RELT: variants seen among roughly 807,000 people sequenced by gnomAD.
RELT encodes the protein RELT TNF receptor.
In RELT, 37 loss-of-function variants were observed where a neutral mutation model predicts 51.1. The ratio of observed to expected loss-of-function variants is 0.72; its 90% CI spans 0.56 to 0.95. The LOEUF (loss-of-function observed/expected upper bound fraction) is 0.95, where lower values mean the gene tolerates loss of function less well. Ranked by LOEUF, RELT falls within the 40% of genes least tolerant of loss-of-function variation. RELT has a pLI of 0.00. For missense variants in RELT, 535 were observed against 572.6 expected (o/e 0.93, Z 0.67); for synonymous variants, 241 against 235.7 (o/e 1.02, Z -0.21).
At position 73,392,646 on chromosome 11, in the gene RELT, C is replaced by T. The variant is rs112405701; in HGVS notation, c.625+178C>T. Reference sequence around the variant, plus strand: ...AAAGGTAAGGGGACGAAGGTGTGGCCGTGGGGGCAGAGCAGAGGTGGCACA... The same window carrying T: ...AAAGGTAAGGGGACGAAGGTGTGGCTGTGGGGGCAGAGCAGAGGTGGCACA... On this transcript the variant is annotated intron_variant, in intron 6 of 10. Coordinates refer to ENST00000064780, the MANE Select transcript of RELT (RefSeq NM_152222.2). 6.3e-4 allele frequency: 894 copies of T among 1,415,966 alleles called. 5 individuals are homozygous for T. The African/African-American group carries it at 0.012, about 19-fold the overall frequency. 87.7% of individuals were successfully genotyped at this position (1,415,966 alleles called of 1,614,324 possible). A position where few individuals can be genotyped will look rare whatever the true frequency, so the allele number is the denominator to read the frequency against.
chr11:73,394,373 C>T lies in RELT; in HGVS notation c.788+56C>T. 3 of 1,610,286 alleles carry T rather than the reference C, an allele frequency of 1.9e-6. No homozygotes were observed. Among genetic ancestry groups the T allele is most frequent in the Non-Finnish European group, 2.5e-6 (3 of 1,177,166 alleles). On this transcript the variant is annotated intron_variant, in intron 8 of 10. Coordinates refer to ENST00000064780, the MANE Select transcript of RELT (RefSeq NM_152222.2). This position sits in a 1 kb window ranked among gnomAD's most constrained non-coding sequence, Gnocchi z 4.9. ...AAAACCTACATTAACCAGCCTGCCT[C>T]CTGGGGATCTCCCACTTGGGTCTCC...
At chr11:73,380,187 C>T (rs975637980) in intron 1 of RELT, among the ~76,000 whole-genome samples, 4 of 152,198 alleles carry the variant, frequency 2.6e-5, no homozygotes, top group Admixed American at 1.3e-4. Flanking sequence ...CTCCCACTGC[C>T]GTCTCTGTGC....
chr11:73,394,994 C>A lies in RELT; in HGVS notation c.1047-93C>A. ...GGGCCTCTCAGGCTAAGGCTCTGGT[C>A]CATGAACTTGCTGTGTGACCCCGGG... On this transcript the variant is annotated intron_variant, in intron 9 of 10. Coordinates refer to ENST00000064780, the MANE Select transcript of RELT (RefSeq NM_152222.2). This position sits in a 1 kb window ranked among gnomAD's most constrained non-coding sequence, Gnocchi z 4.9. The A allele has an allele frequency of 8.4e-7, 1 of 1,185,612 alleles. No homozygotes were observed. Among genetic ancestry groups the A allele is most frequent in the Non-Finnish European group, 1.2e-6 (1 of 815,854 alleles). 73.4% of individuals were successfully genotyped at this position (1,185,612 alleles called of 1,614,324 possible). A position where few individuals can be genotyped will look rare whatever the true frequency, so the allele number is the denominator to read the frequency against.
At chr11:73,379,703 G>A (rs968654315) in intron 1 of RELT, among the ~76,000 whole-genome samples, 6 of 152,206 alleles carry the variant, frequency 3.9e-5, no homozygotes, top group Non-Finnish European at 8.8e-5. Flanking sequence ...CCTTCTGGAC[G>A]TCGGCCTGCC....
At position 73,395,154 on chromosome 11, in the gene RELT, G is replaced by C. The variant is rs1387570091; in HGVS notation, c.1114G>C (p.Glu372Gln). 1 of 1,613,612 alleles carries C rather than the reference G, an allele frequency of 6.2e-7. No homozygotes were observed. The highest frequency in any genetic ancestry group is 1.6e-4 in the Middle Eastern group (1 of 6,062). The stretch of plus-strand genomic sequence containing the variant: ...GGTGTCTGAGGTGAAGACCATCACG[G>C]AGGCTGGGCCCTCGTGGGGTGATCT... Reference protein sequence around the residue: ...SMVSEVKTITEAGPSWGDLPD... With the variant: ...SMVSEVKTITQAGPSWGDLPD... Residue 372 changes from glutamate (E) to glutamine (Q), a missense_variant, in exon 10 of 11, where the codon GAG becomes CAG. By Grantham distance (29) the Glu-to-Gln change is conservative. Coordinates refer to ENST00000064780, the MANE Select transcript of RELT (RefSeq NM_152222.2).
At position 73,394,221 on chromosome 11, in the gene RELT, T is replaced by G. The variant is rs1391751382; in HGVS notation, c.707-15T>G. 1.9e-6 allele frequency: 3 copies of G among 1,591,710 alleles called. No homozygotes were observed. The East Asian group carries it at 6.8e-5, about 36-fold the overall frequency. On this transcript the variant is annotated splice_polypyrimidine_tract_variant and intron_variant, in intron 7 of 10. Transcript: ENST00000064780. The surrounding 1 kb of genome is among the most constrained non-coding windows in gnomAD (Gnocchi z 4.9). Reference sequence around the variant, plus strand: ...CATATGGCCACAGTGAGGGTCTGACTGCAGCTACCCACAGAGAATGCTGCG... The same window carrying G: ...CATATGGCCACAGTGAGGGTCTGACGGCAGCTACCCACAGAGAATGCTGCG...
intron 10 of RELT, 50 bp from the exon 11 acceptor site, chr11:73,395,394 C>A: frequency 8.0e-7 from 1 of 1,254,904 alleles, no homozygotes; most frequent in Non-Finnish European, 1.2e-6. Context: ...TTTCCTGGAG[C>A]CAGAAGCCAG....
chr11:73,386,853 C>T (rs777577482), intron 1 of RELT, among the ~76,000 whole-genome samples: 13 of 152,220 alleles, frequency 8.5e-5, no homozygotes, highest in East Asian at 1.9e-4. Context: ...TTTTCACCCC[C>T]GCATCAGCCC....
rs1177748610 is a variant in RELT at position 73,376,417 on chromosome 11, G to A, written c.-108G>A. 2 of 151,930 alleles carry A rather than the reference G, an allele frequency of 1.3e-5. No individual in the cohort carries two copies. Among genetic ancestry groups the A allele is most frequent in the African/African-American group, 2.4e-5 (1 of 41,392 alleles). 9.4% of individuals were successfully genotyped at this position (151,930 alleles called of 1,614,324 possible). A position where few individuals can be genotyped will look rare whatever the true frequency, so the allele number is the denominator to read the frequency against. ...TTCATTCAAAAGGCGCGCAGGCTGC[G>A]CGGCTGTCCGGGCGCTCGCCGAGCC... is the stretch of plus-strand genomic sequence containing the variant. On this transcript the variant is annotated 5_prime_UTR_variant, in exon 1 of 11. Transcript: ENST00000064780.
chr11:73,390,491 G>A (rs963357414), intron 2 of RELT, 60 bp from the exon 3 acceptor site: 1 of 1,467,724 alleles, frequency 6.8e-7, no homozygotes, highest in Non-Finnish European at 9.5e-7. Flanking sequence ...GGGGATAGAT[G>A]ACCCCAGAGA....
rs1048497027 is a variant in RELT, at chr11:73,388,803, C to T, written c.-25-309C>T. Reference sequence around the variant, plus strand: ...CACGCGCTTCCTTCCCCTGCTGATGCCTCGGGGCACCTGGCAGTTTAAGGA... The same window carrying T: ...CACGCGCTTCCTTCCCCTGCTGATGTCTCGGGGCACCTGGCAGTTTAAGGA... On this transcript the variant is annotated intron_variant, in intron 1 of 10. Coordinates refer to ENST00000064780, the MANE Select transcript of RELT (RefSeq NM_152222.2). This position sits in a 1 kb window ranked among gnomAD's most constrained non-coding sequence, Gnocchi z 4.1. 6.6e-6 allele frequency among the ~76,000 whole-genome samples: 1 copy of T among 152,212 alleles called. No individual in the cohort carries two copies. The highest frequency in any genetic ancestry group is 1.5e-5 in the Non-Finnish European group (1 of 68,022).
In RELT at chr11:73,394,908, T is replaced by C; in HGVS notation, c.1046+174T>C. The C allele has an allele frequency of 1.1e-6, 1 of 916,358 alleles. No individual in the cohort carries two copies. The highest frequency in any genetic ancestry group is 2.5e-5 in the Admixed American group (1 of 39,436). 56.8% of individuals were successfully genotyped at this position (916,358 alleles called of 1,614,324 possible). The stretch of plus-strand genomic sequence containing the variant: ...CAGAGAGATCAGGACTTTCCGGTTA[T>C]GTTGTGTCTCACATGGAGCCCTTGC... On this transcript the variant is annotated intron_variant, in intron 9 of 10. Transcript: ENST00000064780. This position sits in a 1 kb window ranked among gnomAD's most constrained non-coding sequence, Gnocchi z 4.9.
At chr11:73,377,783 T>A (rs573585324) in intron 1 of RELT, among the ~76,000 whole-genome samples, 1 of 150,656 alleles carries the variant, frequency 6.6e-6, no homozygotes, top group Non-Finnish European at 1.5e-5. Flanking sequence ...GGATCCTCTA[T>A]TGTTTTGGGT....
In RELT at chr11:73,392,724, G is replaced by A. The variant is rs966084802; in HGVS notation, c.625+256G>A. ...ACCCTGGGTGAAGCCTTGCCCAGAT[G>A]TGGGGATCTGGACTCTTTGGAGGCC... On this transcript the variant is annotated intron_variant, in intron 6 of 10. Coordinates refer to ENST00000064780, the MANE Select transcript of RELT (RefSeq NM_152222.2). 4 of 1,404,932 alleles carry A rather than the reference G, an allele frequency of 2.8e-6. No homozygotes were observed. In the African/African-American group the frequency reaches 5.8e-5, roughly 20 times the overall value. The allele number at this position is 1,404,932 out of a possible 1,614,324, so 87.0% of individuals were successfully genotyped here.
At chr11:73,387,329 G>T (rs1319077241) in intron 1 of RELT, among the ~76,000 whole-genome samples, 2 of 152,208 alleles carry the variant, frequency 1.3e-5, no homozygotes, top group Non-Finnish European at 2.9e-5. Flanking sequence ...GGGGCTCGTG[G>T]TCAGGTCTGT....
At chr11:73,395,311 G>T in intron 10 of RELT, 26 bp downstream of exon 10, 1 of 1,611,144 alleles carries the variant, frequency 6.2e-7, no homozygotes, top group Non-Finnish European at 8.5e-7. Context: ...AAAGGCATCT[G>T]TTGGCACCTG....
At position 73,381,296 on chromosome 11, in the gene RELT, G is replaced by A. The variant is rs891246070; in HGVS notation, c.-26+4797G>A. The stretch of plus-strand genomic sequence containing the variant: ...AGCCAGTTAGAGTCAGGGTCTGAGT[G>A]TGCAGGTAGAGAGAGGAGTGGGGGC... On this transcript the variant is annotated intron_variant, in intron 1 of 10. Coordinates refer to ENST00000064780, the MANE Select transcript of RELT (RefSeq NM_152222.2). Among the ~76,000 whole-genome samples the A allele has an allele frequency of 3.3e-5, 5 of 152,166 alleles. 1 individual carries two copies. The highest frequency in any genetic ancestry group is 3.3e-4 in the Admixed American group (5 of 15,270).
rs552357038 is a variant in RELT at position 73,380,966 on chromosome 11, G to C, written c.-26+4467G>C. Among the ~76,000 whole-genome samples, 680 of 152,310 alleles carry C rather than the reference G, an allele frequency of 4.5e-3. 5 individuals carry two copies. The highest frequency in any genetic ancestry group is 0.016 in the African/African-American group (654 of 41,554). Reference sequence around the variant, plus strand: ...GGCAGAGAGGACAAGAGCCAATGCTGCATCCCTACTCTGCCCATCCGTGGG... The same window carrying C: ...GGCAGAGAGGACAAGAGCCAATGCTCCATCCCTACTCTGCCCATCCGTGGG... On this transcript the variant is annotated intron_variant, in intron 1 of 10. Transcript: ENST00000064780.
At chr11:73,393,560 G>A (rs928450041) in intron 6 of RELT, 44 of 1,388,570 alleles carry the variant, frequency 3.2e-5, no homozygotes, top group Admixed American at 4.5e-5. Flanking sequence ...CCGCCCCCTC[G>A]CCCGCCCAAT....
Sources: allele counts gnomAD v4.1 joint callset (sites outside exome capture counted in the v4.1 genomes callset), GRCh38; gene constraint gnomAD v4.1.1; non-coding constraint Gnocchi (gnomAD v3.1); transcripts MANE v1.5; gene names NCBI Gene and HGNC (gene_info 2026-07-23, HGNC 2026-07-21).